TBXAS1: variants seen among roughly 807,000 people sequenced by gnomAD.
TBXAS1 encodes the protein thromboxane-A synthase.
Under a neutral mutation model 60.7 loss-of-function variants are expected in TBXAS1, and 48 were observed. The ratio of observed to expected loss-of-function variants is 0.79; its 90% CI spans 0.63 to 1.01. The LOEUF is 1.01. Among genes scored for constraint, TBXAS1 ranks in the 50% least tolerant of loss-of-function variants. TBXAS1 has a pLI of 0.00. For synonymous variants in TBXAS1, 287 were observed against 269.7 expected, an observed-to-expected ratio of 1.06 and a Z score of -0.63; for missense variants, 685 against 686.3, an observed-to-expected ratio of 1.00 and a Z score of 0.02.
intron 9 of TBXAS1, among the ~76,000 whole-genome samples, chr7:139,990,937 G>A (rs1323892842): frequency 1.3e-5 from 2 of 152,232 alleles, no homozygotes; most frequent in East Asian, 1.9e-4. Context: ...GTGCAGGCAC[G>A]GGGGCACAGA....
At chr7:139,922,737 A>G (rs1806576764) in intron 4 of TBXAS1, among the ~76,000 whole-genome samples, 1 of 152,196 alleles carries the variant, frequency 6.6e-6, no homozygotes, top group African/African-American at 2.4e-5. Context: ...TCTTGGAATC[A>G]TTATGGTTCT....
chr7:139,960,841 G>A (rs1004878328), intron 8 of TBXAS1, among the ~76,000 whole-genome samples: 1 of 152,116 alleles, frequency 6.6e-6, no homozygotes, highest in Non-Finnish European at 1.5e-5. Flanking sequence ...AGCTAGCAGA[G>A]TACTTTGCAT....
At chr7:139,914,193 C>T (rs1805781195) in intron 4 of TBXAS1, among the ~76,000 whole-genome samples, 1 of 151,134 alleles carries the variant, frequency 6.6e-6, no homozygotes, top group African/African-American at 2.4e-5. Flanking sequence ...CCATGCCTGG[C>T]TAATTTTAAA....
intron 1 of TBXAS1, among the ~76,000 whole-genome samples, chr7:139,836,780 A>G: frequency 6.6e-6 from 1 of 152,220 alleles, no homozygotes; most frequent in East Asian, 1.9e-4. Context: ...CAAAAACCCG[A>G]AAGCAAATGC....
chr7:139,942,007 T>C (rs1330045946), intron 5 of TBXAS1, among the ~76,000 whole-genome samples: 1 of 152,250 alleles, frequency 6.6e-6, no homozygotes, highest in African/African-American at 2.4e-5. Flanking sequence ...CTGTTCTGAT[T>C]TGAAAGATAT....
chr7:139,791,194 A>G (rs1258565825), intron 4 of TBXAS1, among the ~76,000 whole-genome samples: 1 of 152,230 alleles, frequency 6.6e-6, no homozygotes, highest in Non-Finnish European at 1.5e-5. Flanking sequence ...AGGTAACACT[A>G]GTTGTGGTGA....
intron 9 of TBXAS1, chr7:139,963,190 A>G (rs928868433): frequency 3.3e-5 from 5 of 152,248 alleles, no homozygotes; most frequent in African/African-American, 1.2e-4. Context: ...TAGGCTCAAC[A>G]TGAGTTTATG....
chr7:139,935,058 C>A (rs766944652), intron 4 of TBXAS1, among the ~76,000 whole-genome samples: 1 of 152,220 alleles, frequency 6.6e-6, no homozygotes, highest in Non-Finnish European at 1.5e-5. Context: ...AGGTGATCCA[C>A]CCACCTTGGC....
At chr7:139,903,172 A>G (rs961511283) in intron 3 of TBXAS1, among the ~76,000 whole-genome samples, 4 of 151,974 alleles carry the variant, frequency 2.6e-5, no homozygotes, top group Non-Finnish European at 4.4e-5. Flanking sequence ...CTTAGTTCCC[A>G]CATATCAGTG....
chr7:139,997,439 G>A (rs775930021), intron 9 of TBXAS1, among the ~76,000 whole-genome samples: 37 of 152,132 alleles, frequency 2.4e-4, no homozygotes, highest in Non-Finnish European at 7.3e-5. Context: ...TCAAAGACTC[G>A]AATCTAGTTG....
intron 3 of TBXAS1, among the ~76,000 whole-genome samples, chr7:139,890,803 C>T (rs373135724): frequency 1.3e-5 from 2 of 152,104 alleles, no homozygotes; most frequent in East Asian, 1.9e-4. Flanking sequence ...GCACTGCTGC[C>T]TGTGTTGCTT....
At chr7:139,906,753 C>G (rs938610491) in intron 3 of TBXAS1, among the ~76,000 whole-genome samples, 35 of 152,012 alleles carry the variant, frequency 2.3e-4, no homozygotes, top group Admixed American at 8.5e-4. Flanking sequence ...AATCCATGAA[C>G]ATGATATGTT....
intron 3 of TBXAS1, among the ~76,000 whole-genome samples, chr7:139,893,491 T>C (rs1163844401): frequency 6.6e-6 from 1 of 152,222 alleles, no homozygotes; most frequent in East Asian, 1.9e-4. Context: ...ACTATTTATT[T>C]AGTAGCTTGA....
intron 1 of TBXAS1, among the ~76,000 whole-genome samples, chr7:139,780,316 A>T (rs982434060): frequency 2.6e-5 from 4 of 152,246 alleles, no homozygotes; most frequent in Non-Finnish European, 4.4e-5. Flanking sequence ...GAGCACATGA[A>T]ATGTGGCTAG....
chr7:139,955,645 C>T, intron 7 of TBXAS1, 38 bp downstream of exon 7: 1 of 1,612,230 alleles, frequency 6.2e-7, no homozygotes. Context: ...GCGATGACTC[C>T]AGCAAGTTGG....
At chr7:139,913,033 C>A in intron 4 of TBXAS1, 1 of 686,750 alleles carries the variant, frequency 1.5e-6, no homozygotes, top group Non-Finnish European at 2.7e-6. Context: ...AGTAATTGGC[C>A]ACTCACCCAA....
chr7:139,853,680 G>T (rs993690685), intron 1 of TBXAS1, among the ~76,000 whole-genome samples: 6 of 152,272 alleles, frequency 3.9e-5, no homozygotes, highest in Admixed American at 2.0e-4. Flanking sequence ...CTATCTGTTG[G>T]GGTTCACCGG....
chr7:140,013,385 T>G lies in TBXAS1; in HGVS notation c.1227-2338T>G, dbSNP rs1814768307. Among the ~76,000 whole-genome samples, 5 of 152,198 alleles carry G rather than the reference T, an allele frequency of 3.3e-5. No homozygotes were observed. Among genetic ancestry groups the G allele is most frequent in the Admixed American group, 2.6e-4 (4 of 15,280 alleles). On this transcript the variant is annotated intron_variant, in intron 10 of 12. Coordinates refer to ENST00000448866, the MANE Select transcript of TBXAS1 (RefSeq NM_001061.7). The surrounding 1 kb of genome is among the most constrained non-coding windows in gnomAD (Gnocchi z 4.2). Reference sequence around the variant, plus strand: ...TCACTGACACAGGTGGTCTCGATGCTCACTCCAAGAGTTGAGTTGTGTGGC... The same window carrying G: ...TCACTGACACAGGTGGTCTCGATGCGCACTCCAAGAGTTGAGTTGTGTGGC...
At chr7:139,908,371 C>A (rs1012155794) in intron 3 of TBXAS1, among the ~76,000 whole-genome samples, 2 of 152,016 alleles carry the variant, frequency 1.3e-5, no homozygotes, top group Non-Finnish European at 2.9e-5. Context: ...TTATATTCAC[C>A]ATTATAGTAG....
Sources: allele counts gnomAD v4.1 joint callset (sites outside exome capture counted in the v4.1 genomes callset), GRCh38; gene constraint gnomAD v4.1.1; non-coding constraint Gnocchi (gnomAD v3.1); transcripts MANE v1.5; gene names NCBI Gene and HGNC (gene_info 2026-07-23, HGNC 2026-07-21).